SYT17: variants seen among roughly 807,000 people sequenced by gnomAD.
The protein encoded by SYT17 is synaptotagmin 17, also known as synaptotagmin-17.
In SYT17, 22 loss-of-function variants were observed where a neutral mutation model predicts 46.7. The observed-to-expected ratio is 0.47, with a 90% CI of 0.34 to 0.67. The LOEUF (loss-of-function observed/expected upper bound fraction) is 0.67, where lower values mean the gene tolerates loss of function less well. SYT17 is among the 30% of genes least tolerant of loss of function. The pLI is 0.01. For synonymous variants in SYT17, 251 were observed against 248.4 expected (o/e 1.01, Z -0.10); for missense variants, 519 against 612.8 (o/e 0.85, Z 1.62).
chr16:19,172,465 C>T (rs757064530), intron 1 of SYT17: 20 of 1,455,342 alleles, frequency 1.4e-5, no homozygotes, highest in South Asian at 4.5e-5. Context: ...TATCCGCCCG[C>T]TCTGATTCAT....
At chr16:19,245,387 A>C (rs1967467004) in intron 7 of SYT17, among the ~76,000 whole-genome samples, 1 of 152,152 alleles carries the variant, frequency 6.6e-6, no homozygotes, top group East Asian at 1.9e-4. Flanking sequence ...ATGGTGCCAA[A>C]GTGAAGAAAC....
intron 7 of SYT17, among the ~76,000 whole-genome samples, chr16:19,252,899 C>T (rs1256239251): frequency 1.3e-5 from 2 of 152,096 alleles, no homozygotes; most frequent in Non-Finnish European, 2.9e-5. Flanking sequence ...TAAACTCCAG[C>T]GTGCATCAGA....
intron 5 of SYT17, among the ~76,000 whole-genome samples, chr16:19,218,011 T>A (rs1470717402): frequency 6.6e-6 from 1 of 152,202 alleles, no homozygotes; most frequent in Non-Finnish European, 1.5e-5. Flanking sequence ...GTTTGAACCT[T>A]GTTCTTTTTG....
chr16:19,214,646 C>T (rs558745835), intron 5 of SYT17, among the ~76,000 whole-genome samples: 1 of 152,120 alleles, frequency 6.6e-6, no homozygotes, highest in Non-Finnish European at 1.5e-5. Flanking sequence ...GTTATTCATA[C>T]GTACAACATA....
At chr16:19,256,492 T>C (rs907505169) in intron 7 of SYT17, among the ~76,000 whole-genome samples, 2 of 139,996 alleles carry the variant, frequency 1.4e-5, no homozygotes, top group African/African-American at 5.5e-5. Context: ...GTACCATACA[T>C]CTCTATTACC....
At chr16:19,207,526 G>C (rs1433218907) in intron 5 of SYT17, among the ~76,000 whole-genome samples, 1 of 152,122 alleles carries the variant, frequency 6.6e-6, no homozygotes, top group Non-Finnish European at 1.5e-5. Context: ...AGGAGGAAGA[G>C]ACAGAGAATG....
intron 5 of SYT17, among the ~76,000 whole-genome samples, chr16:19,193,952 G>A (rs148438052): frequency 6.6e-6 from 1 of 152,212 alleles, no homozygotes; most frequent in East Asian, 1.9e-4. Flanking sequence ...GGCAGTCAAC[G>A]AAGTCTGTTC....
intron 7 of SYT17, among the ~76,000 whole-genome samples, chr16:19,234,012 A>G (rs1382485785): frequency 2.0e-5 from 3 of 152,182 alleles, no homozygotes; most frequent in African/African-American, 7.2e-5. Flanking sequence ...GGAGTGAGCT[A>G]CAGTTTGGTT....
chr16:19,183,894 T>C lies in SYT17; in HGVS notation c.698T>C (p.Ile233Thr). ...DMAHSNPYVK[I>T]CLLPDQKNSK... ...GCGCACTCCAACCCCTACGTCAAGA[T>C]CTGTCTCCTGCCAGACCAGAAGAAC... Residue 233 changes from isoleucine (I) to threonine (T), a missense_variant, in exon 5 of 8, where the codon ATC becomes ACC. Coordinates refer to ENST00000355377, the MANE Select transcript of SYT17 (RefSeq NM_016524.4). The surrounding 1 kb of genome is among the most constrained non-coding windows in gnomAD (Gnocchi z 5.6). 1 of 1,614,178 alleles carries C rather than the reference T, an allele frequency of 6.2e-7. No homozygotes were observed.
At chr16:19,215,011 C>T (rs1966040722) in intron 5 of SYT17, among the ~76,000 whole-genome samples, 1 of 152,154 alleles carries the variant, frequency 6.6e-6, no homozygotes, top group Admixed American at 6.5e-5. Context: ...TGATCTCGAA[C>T]TCCCGACCTC....
intron 5 of SYT17, among the ~76,000 whole-genome samples, chr16:19,189,162 A>G (rs1308286607): frequency 1.3e-5 from 2 of 152,172 alleles, no homozygotes; most frequent in Non-Finnish European, 2.9e-5. Flanking sequence ...CTGGGATTAC[A>G]GGCGTGAGCC....
In SYT17 at chr16:19,267,209, A is replaced by T; in HGVS notation, c.*133A>T. ...TCTACACACGTCCACACACACAGACACACAGATACCCCAAATCCTCTCAGA... is the reference window on the plus strand; with the variant it reads ...TCTACACACGTCCACACACACAGACTCACAGATACCCCAAATCCTCTCAGA... On this transcript the variant is annotated 3_prime_UTR_variant, in exon 8 of 8. Transcript: ENST00000355377. 1 of 791,074 alleles carries T rather than the reference A, an allele frequency of 1.3e-6. No homozygotes were observed. The highest frequency in any genetic ancestry group is 1.9e-6 in the Non-Finnish European group (1 of 521,956). 49.0% of individuals were successfully genotyped at this position (791,074 alleles called of 1,614,324 possible).
chr16:19,208,342 G>A (rs1364691661), intron 5 of SYT17, among the ~76,000 whole-genome samples: 2 of 152,162 alleles, frequency 1.3e-5, no homozygotes, highest in African/African-American at 4.8e-5. Flanking sequence ...CTGAGACTGG[G>A]CACTACTAAG....
At chr16:19,190,991 G>A (rs893880116) in intron 5 of SYT17, among the ~76,000 whole-genome samples, 13 of 151,926 alleles carry the variant, frequency 8.6e-5, no homozygotes, top group South Asian at 2.1e-4. Context: ...CGATGTAGGT[G>A]GTTCATTTTC....
At chr16:19,246,641 A>G (rs1295555792) in intron 7 of SYT17, among the ~76,000 whole-genome samples, 1 of 152,184 alleles carries the variant, frequency 6.6e-6, no homozygotes, top group African/African-American at 2.4e-5. Context: ...GTGCGTGTAT[A>G]TGTGCACATC....
intron 5 of SYT17, among the ~76,000 whole-genome samples, chr16:19,195,821 C>T (rs903384563): frequency 6.6e-6 from 1 of 152,004 alleles, no homozygotes; most frequent in Non-Finnish European, 1.5e-5. Context: ...CCCATCTCTA[C>T]AAAAAATTTA....
intron 5 of SYT17, among the ~76,000 whole-genome samples, chr16:19,204,986 C>T (rs1235892240): frequency 2.0e-5 from 3 of 152,166 alleles, no homozygotes; most frequent in Non-Finnish European, 2.9e-5. Flanking sequence ...CCAGCCCCAT[C>T]AACCCCTTCA....
At chr16:19,247,696 A>G (rs1235998229) in intron 7 of SYT17, among the ~76,000 whole-genome samples, 1 of 152,224 alleles carries the variant, frequency 6.6e-6, no homozygotes, top group Non-Finnish European at 1.5e-5. Context: ...CTGAACAACC[A>G]TTTTTTATCA....
intron 7 of SYT17, among the ~76,000 whole-genome samples, chr16:19,228,253 T>C (rs1280822012): frequency 6.6e-6 from 1 of 152,182 alleles, no homozygotes; most frequent in Non-Finnish European, 1.5e-5. Context: ...CCCACGGCAC[T>C]TCAGGTGGCA....
Sources: allele counts gnomAD v4.1 joint callset (sites outside exome capture counted in the v4.1 genomes callset), GRCh38; gene constraint gnomAD v4.1.1; non-coding constraint Gnocchi (gnomAD v3.1); transcripts MANE v1.5; gene names NCBI Gene and HGNC (gene_info 2026-07-23, HGNC 2026-07-21).